Variants in NUP98 observed in about 807,000 individuals in gnomAD.
NUP98 encodes nuclear pore complex protein Nup98-Nup96.
Under a neutral mutation model 191.9 loss-of-function variants are expected in NUP98, and 26 were observed. The observed-to-expected ratio is 0.14, with a 90% CI of 0.10 to 0.19. The LOEUF is 0.19. NUP98 is among the 10% of genes least tolerant of loss of function. The probability of loss-of-function intolerance (pLI) is 1.00; values close to 1 mark genes in which losing one functional copy is unlikely to be tolerated. For synonymous variants in NUP98, 808 were observed against 778.4 expected, an observed-to-expected ratio of 1.04 and a Z score of -0.63; for missense variants, 1,941 against 2,178.8, an observed-to-expected ratio of 0.89 and a Z score of 2.17.
chr11:3,701,490 G>A (rs964968355), intron 23 of NUP98, among the ~76,000 whole-genome samples: 2 of 151,818 alleles, frequency 1.3e-5, no homozygotes, highest in Non-Finnish European at 2.9e-5. Context: ...TCGAACTCCT[G>A]ACCTCAAGTG....
chr11:3,682,521 G>A (rs2078013515), intron 30 of NUP98, among the ~76,000 whole-genome samples: 1 of 152,206 alleles, frequency 6.6e-6, no homozygotes, highest in East Asian at 1.9e-4. Flanking sequence ...GGCCCAAAGA[G>A]AGGGAAAGAG....
At chr11:3,709,998 CAAA>C (rs71466124) in intron 20 of NUP98, among the ~76,000 whole-genome samples, 1 of 94,458 alleles carries the variant, frequency 1.1e-5, no homozygotes, top group African/African-American at 4.4e-5. Context: ...AAAAAGTTTA[CAAA>C]AAAAAAAAAA....
At chr11:3,720,848 A>C in intron 16 of NUP98, 23 bp from the exon 17 acceptor site, 1 of 943,054 alleles carries the variant, frequency 1.1e-6, no homozygotes. Context: ...AAAAAAAAAA[A>C]ACAGAAAAAA....
At chr11:3,715,577 G>C (rs1329472159) in intron 18 of NUP98, among the ~76,000 whole-genome samples, 1 of 152,102 alleles carries the variant, frequency 6.6e-6, no homozygotes, top group Non-Finnish European at 1.5e-5. Flanking sequence ...GTCGATTCAA[G>C]TCCTTTGCCA....
chr11:3,796,316 T>C (rs2082563524), intron 1 of NUP98, among the ~76,000 whole-genome samples: 1 of 152,216 alleles, frequency 6.6e-6, no homozygotes, highest in African/African-American at 2.4e-5. Flanking sequence ...TTATCAATAT[T>C]TCCTGCTTTC....
At chr11:3,768,222 C>T (rs906631894) in intron 8 of NUP98, among the ~76,000 whole-genome samples, 3 of 151,950 alleles carry the variant, frequency 2.0e-5, no homozygotes, top group African/African-American at 7.3e-5. Context: ...GAGATCGAGA[C>T]CATCCTGGCA....
chr11:3,679,122 CAAAAAAAA>C (rs36063275), intron 31 of NUP98, among the ~76,000 whole-genome samples: 2 of 97,314 alleles, frequency 2.1e-5, no homozygotes, highest in Non-Finnish European at 4.0e-5. Context: ...GACTCTGTTC[CAAAAAAAA>C]AAAAAAAAAA....
At chr11:3,796,997 G>C (rs575935453) in intron 1 of NUP98, among the ~76,000 whole-genome samples, 1 of 152,240 alleles carries the variant, frequency 6.6e-6, no homozygotes, top group Non-Finnish European at 1.5e-5. Flanking sequence ...GAGAAGCCAA[G>C]GCAAATAAAG....
intron 18 of NUP98, chr11:3,714,743 A>G (rs1589790952): frequency 6.5e-6 from 1 of 153,038 alleles, no homozygotes; most frequent in African/African-American, 2.4e-5. Flanking sequence ...CTGAGGCTGA[A>G]TAACATATAT....
chr11:3,687,488 T>C (rs2078166188), intron 28 of NUP98, among the ~76,000 whole-genome samples: 1 of 152,232 alleles, frequency 6.6e-6, no homozygotes, highest in African/African-American at 2.4e-5. Flanking sequence ...AATTTTCTGC[T>C]TTGTTTTCTT....
intron 4 of NUP98, among the ~76,000 whole-genome samples, chr11:3,777,574 T>C (rs2081780065): frequency 6.7e-6 from 1 of 148,448 alleles, no homozygotes; most frequent in Admixed American, 6.8e-5. Context: ...TGAGCAGAGA[T>C]TGCGCCACTG....
At position 3,688,091 on chromosome 11, in the gene NUP98, A is replaced by T. The variant is rs114540280; in HGVS notation, c.4455-1897T>A. 8.9e-3 allele frequency among the ~76,000 whole-genome samples: 1,349 copies of T among 151,786 alleles called. 16 individuals are homozygous for T. Among genetic ancestry groups the T allele is most frequent in the African/African-American group, 0.031 (1,296 of 41,358 alleles). ...GTGAATGGACTTAATGCCACTGAAC[A>T]GTATGCTTAAAATGGTTAAAACAGT... On this transcript the variant is annotated intron_variant, in intron 28 of 32. Coordinates refer to ENST00000324932, the MANE Select transcript of NUP98 (RefSeq NM_016320.5).
intron 1 of NUP98, 35 bp from the exon 2 acceptor site, chr11:3,782,180 A>G: frequency 8.8e-7 from 1 of 1,134,152 alleles, no homozygotes; most frequent in East Asian, 2.4e-5. Flanking sequence ...TCTCTTAAAG[A>G]CCACAAAATG....
chr11:3,706,930 G>A (rs1002046845), intron 20 of NUP98, among the ~76,000 whole-genome samples: 2 of 152,160 alleles, frequency 1.3e-5, no homozygotes, highest in African/African-American at 4.8e-5. Context: ...CAAAGATTAT[G>A]CTTTACTTGA....
chr11:3,754,649 C>T (rs552990567), intron 10 of NUP98, among the ~76,000 whole-genome samples: 2 of 151,552 alleles, frequency 1.3e-5, no homozygotes, highest in South Asian at 4.2e-4. Flanking sequence ...CCTTTAAAAT[C>T]CACAGGTATC....
chr11:3,677,087 G>C (rs2077838478), intron 31 of NUP98, among the ~76,000 whole-genome samples: 1 of 152,176 alleles, frequency 6.6e-6, no homozygotes, highest in Admixed American at 6.5e-5. Context: ...TTGCTCTCAT[G>C]AAACTGATAG....
chr11:3,720,949 A>C, intron 16 of NUP98, 124 bp from the exon 17 acceptor site: 8 of 557,404 alleles, frequency 1.4e-5, no homozygotes, highest in East Asian at 6.1e-5. Context: ...TCTACCAAAC[A>C]TGATTCCTAG....
chr11:3,730,332 T>G (rs1269683114), intron 14 of NUP98, among the ~76,000 whole-genome samples: 1 of 152,146 alleles, frequency 6.6e-6, no homozygotes, highest in African/African-American at 2.4e-5. Context: ...AAAATTAGAC[T>G]TTCCATCTTT....
Position 3,722,787 on chromosome 11 carries a change from T to G in NUP98, c.2146+370A>C, listed in dbSNP as rs576220141. ...AAGACTGCGACACTGCACTCCAGCCTGGGCGACAGAGCGACACTGTCTCAA... is the reference window on the plus strand; with the variant it reads ...AAGACTGCGACACTGCACTCCAGCCGGGGCGACAGAGCGACACTGTCTCAA... On this transcript the variant is annotated intron_variant, in intron 16 of 32. Transcript: ENST00000324932. Among the ~76,000 whole-genome samples, 23 of 152,214 alleles carry G rather than the reference T, an allele frequency of 1.5e-4. No individual in the cohort carries two copies. In the South Asian group the frequency reaches 3.9e-3, roughly 26 times the overall value.
Sources: gnomAD v4.1 joint callset for allele counts (sites outside exome capture counted in the v4.1 genomes callset) on GRCh38, gnomAD v4.1.1 for gene constraint, MANE v1.5 for transcripts, NCBI Gene and HGNC (gene_info 2026-07-23, HGNC 2026-07-21) for gene names.